The following UXS1 variants were observed in gnomAD, a reference collection of about 807,000 sequenced individuals.
UXS1 encodes the protein UDP-glucuronate decarboxylase 1.
UXS1 carries 33 observed loss-of-function variants against 62.6 expected under a neutral mutation model. The observed-to-expected ratio is 0.53, with a 90% CI of 0.40 to 0.70. The LOEUF is 0.70. Ranked by LOEUF, UXS1 falls within the 30% of genes least tolerant of loss-of-function variation. The probability of loss-of-function intolerance (pLI) is 0.00; values close to 1 mark genes in which losing one functional copy is unlikely to be tolerated. For synonymous variants in UXS1, 213 were observed against 206.8 expected (o/e 1.03, Z -0.26); for missense variants, 434 against 556.3 (o/e 0.78, Z 2.21).
At chr2:106,188,151 G>A (rs1216488379) in intron 1 of UXS1, among the ~76,000 whole-genome samples, 1 of 152,018 alleles carries the variant, frequency 6.6e-6, no homozygotes, top group Non-Finnish European at 1.5e-5. Context: ...TTTGAATATA[G>A]GCAATCTATT....
At chr2:106,158,796 G>C (rs755011451) in intron 4 of UXS1, among the ~76,000 whole-genome samples, 1 of 152,160 alleles carries the variant, frequency 6.6e-6, no homozygotes, top group Non-Finnish European at 1.5e-5. Context: ...AACAGAGGTC[G>C]CAAGATTTGT....
At chr2:106,129,479 C>CT (rs774875801) in intron 7 of UXS1, among the ~76,000 whole-genome samples, 195 bp downstream of exon 7, 52 of 152,208 alleles carry the variant, frequency 3.4e-4, no homozygotes, top group Non-Finnish European at 2.9e-5. Flanking sequence ...ACCATCTCCT[C>CT]CATGACATAC....
chr2:106,146,539 G>A (rs1241111102), intron 5 of UXS1, among the ~76,000 whole-genome samples: 1 of 152,100 alleles, frequency 6.6e-6, no homozygotes, highest in East Asian at 1.9e-4. Flanking sequence ...AGCACTTTGG[G>A]AGGCCGAGAC....
chr2:106,166,757 T>C (rs1683242185), intron 1 of UXS1, among the ~76,000 whole-genome samples: 1 of 150,620 alleles, frequency 6.6e-6, no homozygotes, highest in Non-Finnish European at 1.5e-5. Context: ...GTCTGGTCTC[T>C]AGTGATCCTC....
chr2:106,096,564 G>A (rs1677127927), intron 14 of UXS1, among the ~76,000 whole-genome samples, 154 bp downstream of exon 14: 2 of 152,206 alleles, frequency 1.3e-5, no homozygotes, highest in African/African-American at 4.8e-5. Context: ...AGGAGAGGCT[G>A]TTTACCACTT....
intron 1 of UXS1, among the ~76,000 whole-genome samples, chr2:106,170,558 T>A (rs1408776660): frequency 1.3e-5 from 2 of 152,260 alleles, no homozygotes; most frequent in Non-Finnish European, 2.9e-5. Context: ...AACCAATTAA[T>A]CTTTACAATG....
intron 13 of UXS1, chr2:106,097,830 T>C (rs1366469821): frequency 6.4e-6 from 1 of 156,290 alleles, no homozygotes; most frequent in Non-Finnish European, 1.4e-5. Context: ...ATGGAAAAGC[T>C]GGGAAGTGCA....
chr2:106,187,527 A>G (rs1434977784), intron 1 of UXS1, among the ~76,000 whole-genome samples: 1 of 152,172 alleles, frequency 6.6e-6, no homozygotes, highest in Non-Finnish European at 1.5e-5. Context: ...CAAAGTCCCA[A>G]CCTCAGGGAA....
intron 1 of UXS1, among the ~76,000 whole-genome samples, chr2:106,174,386 G>C (rs540829461): frequency 6.6e-6 from 1 of 152,380 alleles, no homozygotes; most frequent in Non-Finnish European, 1.5e-5. Context: ...GAGGTGAACA[G>C]AGAGTAAATA....
intron 1 of UXS1, among the ~76,000 whole-genome samples, chr2:106,174,733 C>G (rs924052183): frequency 6.6e-6 from 1 of 152,194 alleles, no homozygotes; most frequent in Non-Finnish European, 1.5e-5. Context: ...TACTGAGCAC[C>G]TACTCCACGT....
chr2:106,194,092 A>G, intron 1 of UXS1, 56 bp downstream of exon 1: 1 of 1,362,446 alleles, frequency 7.3e-7, no homozygotes, highest in South Asian at 1.4e-5. Flanking sequence ...CGCCCGGCCC[A>G]CCGCGGCGCC....
In UXS1 at chr2:106,093,936, A is replaced by G; in HGVS notation, c.*90T>C. Reference sequence around the variant, plus strand: ...CAGTTTGTTCTTCATGACACCTGTTAAAGTCTTTCTTTAAACGACAACAAA... The same window carrying G: ...CAGTTTGTTCTTCATGACACCTGTTGAAGTCTTTCTTTAAACGACAACAAA... On this transcript the variant is annotated 3_prime_UTR_variant, in exon 15 of 15. Transcript: ENST00000283148. The G allele has an allele frequency of 6.9e-7, 1 of 1,450,760 alleles. No homozygotes were observed. The highest frequency in any genetic ancestry group is 9.1e-7 in the Non-Finnish European group (1 of 1,098,906). 89.9% of individuals were successfully genotyped at this position (1,450,760 alleles called of 1,614,324 possible). A position where few individuals can be genotyped will look rare whatever the true frequency, so the allele number is the denominator to read the frequency against.
intron 5 of UXS1, among the ~76,000 whole-genome samples, chr2:106,153,947 C>T (rs1368631024): frequency 6.6e-6 from 1 of 152,100 alleles, no homozygotes; most frequent in Non-Finnish European, 1.5e-5. Flanking sequence ...ACTAAAAATT[C>T]AACAAAGGGA....
chr2:106,189,254 C>G (rs1385746618), intron 1 of UXS1, among the ~76,000 whole-genome samples: 4 of 152,204 alleles, frequency 2.6e-5, no homozygotes, highest in African/African-American at 9.6e-5. Context: ...ACACCAAGGC[C>G]TAGCACTGTG....
At chr2:106,145,928 G>A (rs1573506035) in intron 5 of UXS1, among the ~76,000 whole-genome samples, 1 of 152,172 alleles carries the variant, frequency 6.6e-6, no homozygotes, top group African/African-American at 2.4e-5. Flanking sequence ...AGCCCTAAAC[G>A]CCTAAGTCCA....
chr2:106,141,407 A>C (rs1573493644), intron 6 of UXS1, among the ~76,000 whole-genome samples: 1 of 152,372 alleles, frequency 6.6e-6, no homozygotes. Context: ...AGGAGAGCTG[A>C]GAACTGGCAA....
At chr2:106,130,208 G>A (rs1216102910) in intron 6 of UXS1, among the ~76,000 whole-genome samples, 1 of 151,592 alleles carries the variant, frequency 6.6e-6, no homozygotes, top group Non-Finnish European at 1.5e-5. Context: ...CCTCTCGTTT[G>A]TTTTTATGCA....
Position 106,103,336 on chromosome 2 carries a change from T to C in UXS1, c.923+1458A>G, listed in dbSNP as rs139800077. 5.9e-3 allele frequency among the ~76,000 whole-genome samples: 894 copies of C among 152,288 alleles called. 6 individuals are homozygous for C. Among genetic ancestry groups the C allele is most frequent in the African/African-American group, 0.02 (820 of 41,550 alleles). On this transcript the variant is annotated intron_variant, in intron 11 of 14. Transcript: ENST00000283148. The stretch of plus-strand genomic sequence containing the variant: ...CGCACAACATCTCATTGATATTCCA[T>C]GTGGTGTGGGGGCTGGAGAAGCCTG...
chr2:106,163,546 G>T, intron 4 of UXS1, 121 bp downstream of exon 4: 1 of 580,490 alleles, frequency 1.7e-6, no homozygotes, highest in Non-Finnish European at 2.9e-6. Flanking sequence ...TCAAAGTGGG[G>T]GAAATGCGTA....
Sources: allele counts gnomAD v4.1 joint callset (sites outside exome capture counted in the v4.1 genomes callset), GRCh38; gene constraint gnomAD v4.1.1; transcripts MANE v1.5; gene names NCBI Gene and HGNC (gene_info 2026-07-23, HGNC 2026-07-21).